Variants in ADRA1B observed in about 807,000 individuals in gnomAD.
ADRA1B encodes the protein alpha-1B adrenergic receptor.
A neutral mutation model predicts 17.9 loss-of-function variants in ADRA1B; 17 were observed. The observed-to-expected ratio is 0.95, with a 90% CI of 0.65 to 1.42. The LOEUF is 1.42. Ranked by LOEUF, ADRA1B falls within the 40% of genes most tolerant of loss-of-function variation. The pLI is 0.00. For missense variants in ADRA1B, 681 were observed against 722.1 expected (o/e 0.94, Z 0.65); for synonymous variants, 366 against 327.6 (o/e 1.12, Z -1.27).
intron 1 of ADRA1B, among the ~76,000 whole-genome samples, chr5:159,930,649 A>G (rs912856377): frequency 2.0e-5 from 3 of 152,202 alleles, no homozygotes; most frequent in East Asian, 1.9e-4. Flanking sequence ...GATTGCTCAT[A>G]ATATCTAAGT....
At chr5:159,873,221 T>G (rs1273642203) in intron 1 of ADRA1B, among the ~76,000 whole-genome samples, 1 of 152,220 alleles carries the variant, frequency 6.6e-6, no homozygotes, top group Non-Finnish European at 1.5e-5. Context: ...TTGTAAATAG[T>G]GCTGCAATAA....
At chr5:159,885,875 C>A (rs999779851) in intron 1 of ADRA1B, among the ~76,000 whole-genome samples, 4 of 152,152 alleles carry the variant, frequency 2.6e-5, no homozygotes, top group Non-Finnish European at 5.9e-5. Context: ...TTGTGACAAC[C>A]TCTGAGAACA....
intron 1 of ADRA1B, chr5:159,867,133 G>A (rs912271510): frequency 4.6e-5 from 7 of 152,264 alleles, no homozygotes; most frequent in African/African-American, 9.6e-5. Context: ...TTTTGGGTAC[G>A]TTACCAAATG....
In ADRA1B at chr5:159,972,598, C is replaced by T. The variant is rs1755903493; in HGVS notation, c.*106C>T. 1.0e-6 allele frequency: 1 copy of T among 986,652 alleles called. No individual in the cohort carries two copies. Among genetic ancestry groups the T allele is most frequent in the South Asian group, 3.3e-5 (1 of 30,178 alleles). The allele number at this position is 986,652 out of a possible 1,614,324, so 61.1% of individuals were successfully genotyped here. ...AGCGTCCACGCCGGGTAGACGCGCG[C>T]CCCAAGGGGAACCGGGGGGAGGGCC... On this transcript the variant is annotated 3_prime_UTR_variant, in exon 2 of 2. Coordinates refer to ENST00000306675, the MANE Select transcript of ADRA1B (RefSeq NM_000679.4).
At position 159,972,314 on chromosome 5, in the gene ADRA1B, C is replaced by G. The variant is rs911750399; in HGVS notation, c.1385C>G (p.Pro462Arg). ...ALLSLPAPEPPGRRGRHDSGP... is the reference protein window; with the variant it reads ...ALLSLPAPEPRGRRGRHDSGP... ...CTGAGCCTGCCCGCGCCTGAGCCCC[C>G]CGGCCGCCGCGGCCGCCACGACTCG... Residue 462 changes from proline to arginine, a missense_variant, in exon 2 of 2, where the codon CCC becomes CGC. Pro to Arg is a moderately radical substitution (Grantham distance 103, BLOSUM62 -2). Coordinates refer to ENST00000306675, the MANE Select transcript of ADRA1B (RefSeq NM_000679.4). The G allele has an allele frequency of 1.1e-4, 154 of 1,432,352 alleles. No homozygotes were observed. The African/African-American group carries it at 2.0e-3, about 19-fold the overall frequency. 88.7% of individuals were successfully genotyped at this position (1,432,352 alleles called of 1,614,324 possible). A position where few individuals can be genotyped will look rare whatever the true frequency, so the allele number is the denominator to read the frequency against.
chr5:159,951,147 C>A (rs1199541977), intron 1 of ADRA1B: 1 of 749,282 alleles, frequency 1.3e-6, no homozygotes, highest in South Asian at 1.3e-5. Flanking sequence ...GAGATGATGA[C>A]CCTTGTAGCT....
intron 1 of ADRA1B, among the ~76,000 whole-genome samples, chr5:159,968,511 C>G (rs957744143): frequency 1.3e-5 from 2 of 152,134 alleles, no homozygotes; most frequent in Admixed American, 1.3e-4. Flanking sequence ...TAGATCCTGT[C>G]CATGGTTTTG....
chr5:159,963,247 T>A (rs1233551418), intron 1 of ADRA1B, among the ~76,000 whole-genome samples: 1 of 145,944 alleles, frequency 6.9e-6, no homozygotes, highest in East Asian at 2.1e-4. Flanking sequence ...TTTCTATACA[T>A]GAGCATTATG....
Position 159,916,638 on chromosome 5 carries a change from A to C in ADRA1B, c.-268A>C, listed in dbSNP as rs1754314480. On this transcript the variant is annotated 5_prime_UTR_variant, in exon 1 of 2. Coordinates refer to ENST00000306675, the MANE Select transcript of ADRA1B (RefSeq NM_000679.4). ...CCGCCGCTCCCCCGCGAGCCCGGCC[A>C]GGCGCGCCTGACGTGGACCATTAAA... is the stretch of plus-strand genomic sequence containing the variant. 1.5e-4 allele frequency: 24 copies of C among 162,630 alleles called. No individual in the cohort carries two copies. The highest frequency in any genetic ancestry group is 2.7e-3 in the Middle Eastern group (1 of 372). 10.1% of individuals were successfully genotyped at this position (162,630 alleles called of 1,614,324 possible).
the ADRA1B span, among the ~76,000 whole-genome samples, chr5:159,981,730 T>C: frequency 6.6e-6 from 1 of 152,134 alleles, no homozygotes; most frequent in Non-Finnish European, 1.5e-5. Context: ...TCTCCTGACC[T>C]TGTGATCCGC....
At chr5:159,951,276 G>T (rs1446972583) in intron 1 of ADRA1B, 6 of 1,240,794 alleles carry the variant, frequency 4.8e-6, no homozygotes, top group Admixed American at 1.7e-5. Context: ...CTGGAAGATG[G>T]TGATGGGATT....
chr5:159,912,652 A>ACAACAATG (rs2113136374), upstream of ADRA1B, among the ~76,000 whole-genome samples: 1 of 152,340 alleles, frequency 6.6e-6, no homozygotes, highest in East Asian at 1.9e-4. Context: ...TTGGAGCCAG[A>ACAACAATG]CAACAATGCT....
Position 159,917,220 on chromosome 5 carries a change from A to T in ADRA1B, c.315A>T (p.Leu105=). Residue 105 remains leucine (L), a synonymous_variant, in exon 1 of 2, where the codon CTA becomes CTT. Transcript: ENST00000306675. The part of the protein sequence containing the change: ...SFTVLPFSAA[L]EVLGYWVLGR... ...CCGTCCTGCCCTTCTCAGCGGCCCT[A>T]GAGGTGCTCGGCTACTGGGTGCTGG... 1 of 1,614,134 alleles carries T rather than the reference A, an allele frequency of 6.2e-7. No homozygotes were observed. The highest frequency in any genetic ancestry group is 1.3e-5 in the African/African-American group (1 of 75,038).
rs1164922148 is a variant in ADRA1B, at chr5:159,894,589, GT to G, written c.-255-21521del. Among the ~76,000 whole-genome samples the G allele has an allele frequency of 8.6e-5, 13 of 151,504 alleles. No homozygotes were observed. In the East Asian group the frequency reaches 1.7e-3, roughly 20 times the overall value. The stretch of plus-strand genomic sequence containing the variant: ...AAATAAACTGATGTGTGCCGAACTT[GT>G]TTTTTTTTAACATTCAGTTTTCAGA... On this transcript the variant is annotated intron_variant, in intron 1 of 2. Transcript: ENST00000641205.
intron 1 of ADRA1B, chr5:159,951,424 A>G: frequency 2.5e-6 from 2 of 785,196 alleles, no homozygotes; most frequent in Non-Finnish European, 4.5e-6. Flanking sequence ...CCACTTTACT[A>G]GAGTTAAAAG....
At chr5:159,950,663 G>C (rs1755410151) in intron 1 of ADRA1B, 1 of 753,950 alleles carries the variant, frequency 1.3e-6, no homozygotes, top group Non-Finnish European at 2.5e-6. Context: ...GAGACAACCT[G>C]GTGCTCAGTG....
the ADRA1B span, among the ~76,000 whole-genome samples, chr5:159,988,711 T>C: frequency 4.4e-3 from 670 of 152,274 alleles, 5 homozygotes; most frequent in African/African-American, 0.016. Flanking sequence ...GGCATGGTGG[T>C]GCATGCCTGC....
intron 1 of ADRA1B, among the ~76,000 whole-genome samples, chr5:159,889,163 G>T (rs900608586): frequency 6.6e-6 from 1 of 152,174 alleles, no homozygotes; most frequent in African/African-American, 2.4e-5. Context: ...GGGAGCCTGG[G>T]GTCGGTGGTT....
intron 1 of ADRA1B, among the ~76,000 whole-genome samples, chr5:159,891,395 C>T (rs1403158496): frequency 6.6e-6 from 1 of 152,144 alleles, no homozygotes; most frequent in African/African-American, 2.4e-5. Flanking sequence ...TACTTCAATG[C>T]CATTGGTTAA....
Sources: allele counts gnomAD v4.1 joint callset (sites outside exome capture counted in the v4.1 genomes callset), GRCh38; gene constraint gnomAD v4.1.1; transcripts MANE v1.5; gene names NCBI Gene and HGNC (gene_info 2026-07-23, HGNC 2026-07-21).